Variants in DLG2 observed in about 807,000 individuals in gnomAD.
DLG2 encodes the protein discs large MAGUK scaffold protein 2.
A neutral mutation model predicts 132.5 loss-of-function variants in DLG2; 45 were observed. The observed-to-expected ratio is 0.34, with a 90% CI of 0.27 to 0.44. DLG2 has a LOEUF of 0.44. Among genes scored for constraint, DLG2 ranks in the 20% least tolerant of loss-of-function variants. The pLI is 1.00. For synonymous variants in DLG2, 424 were observed against 419.6 expected (o/e 1.01, Z -0.13); for missense variants, 1,045 against 1,196.9 (o/e 0.87, Z 1.87).
At chr11:84,937,503 G>C (rs1480217960) in intron 6 of DLG2, among the ~76,000 whole-genome samples, 1 of 152,118 alleles carries the variant, frequency 6.6e-6, no homozygotes, top group Non-Finnish European at 1.5e-5. Context: ...AGAAGGGGTG[G>C]TTACTTGACA....
intron 3 of DLG2, among the ~76,000 whole-genome samples, chr11:85,289,392 C>T (rs2078755415): frequency 6.6e-6 from 1 of 152,072 alleles, no homozygotes; most frequent in South Asian, 2.1e-4. Context: ...TCCTCCTTCT[C>T]CTTCAATGCC....
intron 6 of DLG2, among the ~76,000 whole-genome samples, chr11:85,078,216 A>G (rs1044225585): frequency 1.5e-4 from 23 of 149,586 alleles, no homozygotes; most frequent in Admixed American, 1.4e-4. Flanking sequence ...TCAAGTAGTG[A>G]TAAGTGCAAT....
chr11:85,315,050 G>A (rs1596171891), intron 3 of DLG2, among the ~76,000 whole-genome samples: 1 of 152,096 alleles, frequency 6.6e-6, no homozygotes, highest in South Asian at 2.1e-4. Context: ...CTAGGCCTGT[G>A]CCTCTGATCT....
chr11:85,267,849 A>G (rs2077308105), intron 4 of DLG2, among the ~76,000 whole-genome samples: 1 of 151,748 alleles, frequency 6.6e-6, no homozygotes, highest in Non-Finnish European at 1.5e-5. Context: ...AGTTTACCCC[A>G]CACAACGATC....
At chr11:84,780,188 G>A (rs2071463521) in intron 6 of DLG2, among the ~76,000 whole-genome samples, 1 of 152,008 alleles carries the variant, frequency 6.6e-6, no homozygotes, top group South Asian at 2.1e-4. Context: ...TATACACCAT[G>A]ATCAAATGGT....
intron 7 of DLG2, among the ~76,000 whole-genome samples, chr11:84,448,147 A>C (rs2099040998): frequency 6.6e-6 from 1 of 152,050 alleles, no homozygotes; most frequent in African/African-American, 2.4e-5. Flanking sequence ...AACACCACTC[A>C]CCTAACCTGA....
chr11:85,508,931 T>C (rs1304592409), intron 3 of DLG2, among the ~76,000 whole-genome samples: 3 of 152,094 alleles, frequency 2.0e-5, no homozygotes, highest in Non-Finnish European at 4.4e-5. Flanking sequence ...ATATTGACTA[T>C]GTTGATGTTG....
chr11:84,430,621 A>T (rs1350686395), intron 7 of DLG2, among the ~76,000 whole-genome samples: 1 of 152,058 alleles, frequency 6.6e-6, no homozygotes, highest in African/African-American at 2.4e-5. Context: ...GTGACCAACT[A>T]TCTTGCCCTC....
At chr11:83,630,721 G>C (rs981755529) in intron 19 of DLG2, among the ~76,000 whole-genome samples, 4 of 152,148 alleles carry the variant, frequency 2.6e-5, no homozygotes, top group Admixed American at 6.6e-5. Context: ...GTATGGGACT[G>C]GGGGTAGGAG....
chr11:84,369,475 A>C (rs1468404104), intron 7 of DLG2, among the ~76,000 whole-genome samples: 5 of 152,140 alleles, frequency 3.3e-5, no homozygotes, highest in African/African-American at 1.2e-4. Context: ...TTTTCAGATG[A>C]GGCAACTGAG....
chr11:83,860,736 C>T lies in DLG2; in HGVS notation c.1565+13684G>A, dbSNP rs535389676. Among the ~76,000 whole-genome samples, 83 of 152,136 alleles carry T rather than the reference C, an allele frequency of 5.5e-4. No homozygotes were observed. The Middle Eastern group carries it at 0.02, about 37-fold the overall frequency. On this transcript the variant is annotated intron_variant, in intron 16 of 27. Coordinates refer to ENST00000376104, the MANE Select transcript of DLG2 (RefSeq NM_001142699.3). ...GACATGACATTTGGAAGGGGCCAGG[C>T]GTGGAATAATATGGCTTCACTGTGT...
intron 18 of DLG2, among the ~76,000 whole-genome samples, chr11:83,633,782 A>ACACACACACACACACAC (rs1555268407): frequency 6.8e-6 from 1 of 148,012 alleles, no homozygotes; most frequent in Non-Finnish European, 1.5e-5. Context: ...ACACACACAC[A>ACACACACACACACACAC]ACTGCGGAAA....
chr11:85,483,464 A>G (rs1381223521), intron 3 of DLG2, among the ~76,000 whole-genome samples: 1 of 152,214 alleles, frequency 6.6e-6, no homozygotes, highest in Non-Finnish European at 1.5e-5. Context: ...CCTATCTTAC[A>G]AGAGATGCTA....
chr11:84,344,368 G>C (rs1201210172), intron 7 of DLG2, among the ~76,000 whole-genome samples: 1 of 152,150 alleles, frequency 6.6e-6, no homozygotes, highest in Non-Finnish European at 1.5e-5. Flanking sequence ...AATTCATAGA[G>C]GTAAAGGTTT....
intron 3 of DLG2, among the ~76,000 whole-genome samples, chr11:85,510,977 G>A (rs1211191836): frequency 6.6e-6 from 1 of 152,126 alleles, no homozygotes; most frequent in Non-Finnish European, 1.5e-5. Context: ...CAACCCAAGT[G>A]TCCATCAATG....
At chr11:84,980,084 A>G (rs895562178) in intron 6 of DLG2, among the ~76,000 whole-genome samples, 3 of 152,176 alleles carry the variant, frequency 2.0e-5, no homozygotes, top group Admixed American at 6.5e-5. Flanking sequence ...TACACTTAAA[A>G]TTGGAAAACT....
At position 84,165,239 on chromosome 11, in the gene DLG2, A is replaced by G. The variant is rs552596029; in HGVS notation, c.574-1728T>C. 9.8e-5 allele frequency among the ~76,000 whole-genome samples: 15 copies of G among 152,308 alleles called. 1 individual carries two copies. In the East Asian group the frequency reaches 2.9e-3, roughly 29 times the overall value. On this transcript the variant is annotated intron_variant, in intron 8 of 27. Transcript: ENST00000376104. ...ACTGGGGAGAAAAAAACAACTTCCA[A>G]GAGAGAAAAACACGCCTCTAATAAT...
intron 6 of DLG2, among the ~76,000 whole-genome samples, chr11:84,641,707 G>C (rs573177349): frequency 6.6e-6 from 1 of 151,980 alleles, no homozygotes; most frequent in African/African-American, 2.4e-5. Flanking sequence ...GGATTACCTT[G>C]GGCAAGAGCT....
chr11:85,577,388 C>CA (rs1276148118), intron 3 of DLG2, among the ~76,000 whole-genome samples: 23 of 150,484 alleles, frequency 1.5e-4, no homozygotes, highest in African/African-American at 5.1e-4. Context: ...TATTGGGGTG[C>CA]AAAAAAAAGA....
Sources: gnomAD v4.1 joint callset for allele counts (sites outside exome capture counted in the v4.1 genomes callset) on GRCh38, gnomAD v4.1.1 for gene constraint, MANE v1.5 for transcripts, NCBI Gene and HGNC (gene_info 2026-07-23, HGNC 2026-07-21) for gene names.